Variants in DDX17 observed in about 807,000 individuals in gnomAD.
DDX17 encodes probable ATP-dependent RNA helicase DDX17.
A neutral mutation model predicts 80.8 loss-of-function variants in DDX17; 10 were observed. The observed-to-expected ratio is 0.12, with a 90% CI of 0.08 to 0.21. The LOEUF (loss-of-function observed/expected upper bound fraction) is 0.21. Ranked by LOEUF, DDX17 falls within the 10% of genes least tolerant of loss-of-function variation. DDX17 has a pLI of 1.00. For synonymous variants in DDX17, 339 were observed against 336.2 expected, an observed-to-expected ratio of 1.01 and a Z score of -0.09; for missense variants, 586 against 957.4, an observed-to-expected ratio of 0.61 and a Z score of 5.12.
intron 12 of DDX17, among the ~76,000 whole-genome samples, chr22:38,487,395 G>T (rs916666537): frequency 2.0e-5 from 3 of 152,070 alleles, no homozygotes; most frequent in African/African-American, 7.2e-5. Context: ...AAGACAGGTG[G>T]ATCACCAGAG....
chr22:38,494,564 A>G, intron 8 of DDX17, 66 bp downstream of exon 8: 4 of 1,493,090 alleles, frequency 2.7e-6, no homozygotes, highest in African/African-American at 2.8e-5. Context: ...CTACAGTACT[A>G]ATTTTGGAGG....
rs140600277 is a variant in DDX17, at chr22:38,493,762, A to C, written c.1335T>G (p.Ala445=). 242 of 1,613,602 alleles carry C rather than the reference A, an allele frequency of 1.5e-4. No individual in the cohort carries two copies. The highest frequency in any genetic ancestry group is 2.0e-4 in the Non-Finnish European group (234 of 1,179,604). ...GACTCTTGTCTCCATGGATACACATAGCTGGCCAACTATCAGAAGAAAAGT... is the reference window on the plus strand; with the variant it reads ...GACTCTTGTCTCCATGGATACACATCGCTGGCCAACTATCAGAAGAAAAGT... Residue 445 remains alanine, a synonymous_variant, in exon 10 of 13, where the codon GCT becomes GCG. Transcript: ENST00000403230.
chr22:38,505,736 G>T (rs2089875003), intron 1 of DDX17: 1 of 554,488 alleles, frequency 1.8e-6, no homozygotes, highest in Non-Finnish European at 3.0e-6. Context: ...CCGTCCGCAC[G>T]GAGAGGCCCA....
Position 38,495,823 on chromosome 22 carries a change from C to T in DDX17, c.853G>A (p.Gly285Ser), listed in dbSNP as rs775609933. The T allele has an allele frequency of 6.2e-7, 1 of 1,608,068 alleles. No individual in the cohort carries two copies. Among genetic ancestry groups the T allele is most frequent in the East Asian group, 2.2e-5 (1 of 44,690 alleles). ...CTTTCCAAGTCTCGAATCTGGGGAC[C>T]TTTAGGAGCACCTCCATAAATACAA... Residue 285 changes from glycine (G) to serine (S), a missense_variant, in exon 6 of 13, where the codon GGT becomes AGT. Coordinates refer to ENST00000403230, the MANE Select transcript of DDX17 (RefSeq NM_006386.5).
At chr22:38,500,045 A>T (rs2089812010) in intron 2 of DDX17, among the ~76,000 whole-genome samples, 1 of 151,466 alleles carries the variant, frequency 6.6e-6, no homozygotes. Context: ...GCGTGGTGGC[A>T]CATGTCTGTA....
intron 11 of DDX17, chr22:38,488,531 T>C (rs993646669): frequency 1.9e-5 from 19 of 1,008,844 alleles, no homozygotes; most frequent in Non-Finnish European, 2.3e-5. Context: ...ACTTCTACTC[T>C]GTTGGGAGAA....
At position 38,501,278 on chromosome 22, in the gene DDX17, A is replaced by C. The variant is rs764762137; in HGVS notation, c.290T>G (p.Phe97Cys). The C allele has an allele frequency of 5.6e-6, 9 of 1,605,650 alleles. No homozygotes were observed. Among genetic ancestry groups the C allele is most frequent in the South Asian group, 1.1e-5 (1 of 89,964 alleles). ...AAGGCCACCACCACCTCTTGCTCCA[A>C]ATCTAGGAACAGAATTTTTAGTTAG... is the stretch of plus-strand genomic sequence containing the variant. The change falls in exon 2 of 13, where the codon TTT becomes TGT. Residue 97 changes from phenylalanine (F) to cysteine (C), a missense_variant and splice_region_variant. This residue lies in a region of DDX17 where 215 missense variants were observed against 238.4 expected (regional missense o/e 0.90). Coordinates refer to ENST00000403230, the MANE Select transcript of DDX17 (RefSeq NM_006386.5).
At chr22:38,500,850 G>T (rs1371047522) in intron 2 of DDX17, among the ~76,000 whole-genome samples, 1 of 62,318 alleles carries the variant, frequency 1.6e-5, no homozygotes, top group Non-Finnish European at 3.4e-5. Flanking sequence ...AAAAAAATCA[G>T]CTGGGTGCAG....
chr22:38,500,798 C>G (rs2089819832), intron 2 of DDX17, among the ~76,000 whole-genome samples: 1 of 91,764 alleles, frequency 1.1e-5, no homozygotes, highest in Non-Finnish European at 2.0e-5. Flanking sequence ...GCCTGGGCAA[C>G]AAGAGCAAAA....
At chr22:38,505,133 T>C (rs1411835508) in intron 1 of DDX17, 1 of 152,216 alleles carries the variant, frequency 6.6e-6, no homozygotes, top group African/African-American at 2.4e-5. Context: ...GGTCTCGAAC[T>C]CCTGACCTCC....
chr22:38,500,069 G>A (rs1170038794), intron 2 of DDX17, among the ~76,000 whole-genome samples: 1 of 151,518 alleles, frequency 6.6e-6, no homozygotes. Flanking sequence ...CCAGCTACTC[G>A]GGAGGCTGAG....
Position 38,506,072 on chromosome 22 carries a change from TG to T in DDX17, c.165del (p.Arg56AspfsTer69). 6.3e-7 allele frequency: 1 copy of T among 1,582,388 alleles called. No individual in the cohort carries two copies. Among genetic ancestry groups the T allele is most frequent in the Admixed American group, 1.9e-5 (1 of 53,920 alleles). ...CTCGGGAGGGCCTGCGGCTCCGGTCTGGTGACGACCGATGGCGGCGGCGCCT... is the reference window on the plus strand; with the variant it reads ...CTCGGGAGGGCCTGCGGCTCCGGTCTGTGACGACCGATGGCGGCGGCGCCT... On this transcript the variant is annotated frameshift_variant, in exon 1 of 13. Transcript: ENST00000403230. LOFTEE classifies it high-confidence loss of function.
chr22:38,505,707 C>T, intron 1 of DDX17: 2 of 509,760 alleles, frequency 3.9e-6, no homozygotes, highest in Non-Finnish European at 6.8e-6. Context: ...TGGGATGGGG[C>T]CGGGCCGCGC....
rs2089647402 is a variant in DDX17 at position 38,485,618 on chromosome 22, G to C, written c.*317C>G. 1 of 142,166 alleles carries C rather than the reference G, an allele frequency of 7.0e-6. No homozygotes were observed. Among genetic ancestry groups the C allele is most frequent in the Non-Finnish European group, 1.5e-5 (1 of 67,838 alleles). 8.8% of individuals were successfully genotyped at this position (142,166 alleles called of 1,614,324 possible). On this transcript the variant is annotated 3_prime_UTR_variant, in exon 13 of 13. Coordinates refer to ENST00000403230, the MANE Select transcript of DDX17 (RefSeq NM_006386.5). ...ACCTTACTCTTTTAGATGAAAAATA[G>C]CTCAAATATCTTCAACATGCAAGAA...
At position 38,493,783 on chromosome 22, in the gene DDX17, A is replaced by G. The variant is rs2089735257; in HGVS notation, c.1326-12T>C. 1 of 1,611,100 alleles carries G rather than the reference A, an allele frequency of 6.2e-7. No individual in the cohort carries two copies. The highest frequency in any genetic ancestry group is 8.5e-7 in the Non-Finnish European group (1 of 1,178,144). On this transcript the variant is annotated splice_polypyrimidine_tract_variant and intron_variant, in intron 9 of 12. Transcript: ENST00000403230. ...ACATAGCTGGCCAACTATCAGAAGA[A>G]AAGTGACCAATATTTTAAAAATCTT...
At chr22:38,494,285 T>C (rs910589315) in intron 8 of DDX17, 154 bp from the exon 9 acceptor site, 2 of 620,118 alleles carry the variant, frequency 3.2e-6, no homozygotes, top group African/African-American at 3.7e-5. Context: ...CAGGTTCTGC[T>C]ATGTGCTCAA....
intron 11 of DDX17, 45 bp from the exon 12 acceptor site, chr22:38,488,160 G>GA (rs752048047): frequency 1.2e-6 from 2 of 1,612,392 alleles, no homozygotes; most frequent in East Asian, 2.2e-5. Flanking sequence ...ATGTGGCAGG[G>GA]AAAGAGAAGG....
chr22:38,484,051 T>C lies in DDX17; in HGVS notation c.*1884A>G, dbSNP rs922559300. 1 of 152,424 alleles carries C rather than the reference T, an allele frequency of 6.6e-6. No homozygotes were observed. The highest frequency in any genetic ancestry group is 2.4e-5 in the African/African-American group (1 of 41,410). The allele number at this position is 152,424 out of a possible 1,614,324, so 9.4% of individuals were successfully genotyped here. A position where few individuals can be genotyped will look rare whatever the true frequency, so the allele number is the denominator to read the frequency against. On this transcript the variant is annotated 3_prime_UTR_variant, in exon 13 of 13. Transcript: ENST00000403230. ...CTGCGAGAGAGTAGGGCATCCCTTG[T>C]GGTGGTACCTCTATGTTTAAAGAAA...
chr22:38,494,288 G>T, intron 8 of DDX17, 157 bp from the exon 9 acceptor site: 1 of 615,630 alleles, frequency 1.6e-6, no homozygotes. Context: ...GTTCTGCTAT[G>T]TGCTCAAGAA....
Sources: gnomAD v4.1 joint callset for allele counts (sites outside exome capture counted in the v4.1 genomes callset) on GRCh38, gnomAD v4.1.1 for gene constraint, gnomAD v4.1.1 regional missense constraint, MANE v1.5 for transcripts, NCBI Gene and HGNC (gene_info 2026-07-23, HGNC 2026-07-21) for gene names.